GALNT13: variants seen among roughly 807,000 people sequenced by gnomAD.
GALNT13 encodes polypeptide N-acetylgalactosaminyltransferase 13.
GALNT13 carries 28 observed loss-of-function variants against 64.2 expected under a neutral mutation model. The observed-to-expected ratio is 0.44, with a 90% CI of 0.32 to 0.60. The LOEUF (loss-of-function observed/expected upper bound fraction) is 0.60. Ranked by LOEUF, GALNT13 falls within the 20% of genes least tolerant of loss-of-function variation. The pLI, the probability that GALNT13 is intolerant of heterozygous loss-of-function variation, is 0.05. For missense variants in GALNT13, 577 were observed against 669.8 expected (o/e 0.86, Z 1.53); for synonymous variants, 214 against 224.6 (o/e 0.95, Z 0.42).
the GALNT13 span, among the ~76,000 whole-genome samples, chr2:153,458,111 C>T: frequency 6.6e-6 from 1 of 152,144 alleles, no homozygotes; most frequent in African/African-American, 2.4e-5. Flanking sequence ...TATGGCCTCT[C>T]TTCATCTGTG....
chr2:153,417,040 A>G, the GALNT13 span, among the ~76,000 whole-genome samples: 6 of 152,278 alleles, frequency 3.9e-5, no homozygotes, highest in East Asian at 1.2e-3. Flanking sequence ...GGGATCACAA[A>G]TTTTTCAGAG....
the GALNT13 span, among the ~76,000 whole-genome samples, chr2:153,785,985 C>T: frequency 5.3e-5 from 8 of 151,826 alleles, no homozygotes; most frequent in Non-Finnish European, 1.2e-4. Context: ...CCCCAACGAG[C>T]AGGGCCCCAA....
the GALNT13 span, among the ~76,000 whole-genome samples, chr2:153,068,524 A>G: frequency 2.6e-5 from 4 of 152,190 alleles, no homozygotes; most frequent in African/African-American, 9.6e-5. Context: ...GTGTGAACTC[A>G]TACCATTTTG....
chr2:153,108,574 C>T, the GALNT13 span, among the ~76,000 whole-genome samples: 1 of 152,072 alleles, frequency 6.6e-6, no homozygotes, highest in African/African-American at 2.4e-5. Flanking sequence ...TATATGTTTA[C>T]ACATACTACC....
chr2:153,761,177 A>C, the GALNT13 span, among the ~76,000 whole-genome samples: 1 of 152,138 alleles, frequency 6.6e-6, no homozygotes, highest in East Asian at 1.9e-4. Context: ...AAATCAAGTC[A>C]GTAACTCTAT....
chr2:154,368,045 G>A (rs1697468976), intron 9 of GALNT13, among the ~76,000 whole-genome samples: 1 of 152,036 alleles, frequency 6.6e-6, no homozygotes, highest in South Asian at 2.1e-4. Flanking sequence ...GTTTGGGTTT[G>A]GGCCAACAGC....
chr2:154,325,139 A>T (rs904869001), intron 9 of GALNT13, among the ~76,000 whole-genome samples: 1 of 141,370 alleles, frequency 7.1e-6, no homozygotes, highest in Non-Finnish European at 1.5e-5. Flanking sequence ...GTGAGAAAGT[A>T]AAAAAAAAAA....
chr2:153,844,604 A>C, the GALNT13 span, among the ~76,000 whole-genome samples: 1 of 152,196 alleles, frequency 6.6e-6, no homozygotes, highest in East Asian at 1.9e-4. Context: ...TTCTCTAACA[A>C]GTGGTTGCTT....
At chr2:153,212,342 T>A in the GALNT13 span, among the ~76,000 whole-genome samples, 13 of 152,284 alleles carry the variant, frequency 8.5e-5, no homozygotes, top group South Asian at 2.5e-3. Context: ...TTGGTTGACT[T>A]TACCAGTGTT....
chr2:154,146,811 C>T (rs1683630370), intron 4 of GALNT13, among the ~76,000 whole-genome samples: 1 of 152,038 alleles, frequency 6.6e-6, no homozygotes, highest in African/African-American at 2.4e-5. Flanking sequence ...GAGTTTCCCA[C>T]CTTAGAAGCC....
At chr2:153,333,625 A>G in the GALNT13 span, among the ~76,000 whole-genome samples, 154 of 152,362 alleles carry the variant, frequency 1.0e-3, no homozygotes, top group African/African-American at 3.6e-3. Flanking sequence ...GTGCCGTTAC[A>G]TAACTCCTAG....
At chr2:153,398,167 A>G in the GALNT13 span, among the ~76,000 whole-genome samples, 20 of 149,434 alleles carry the variant, frequency 1.3e-4, no homozygotes, top group South Asian at 3.8e-3. Flanking sequence ...GTGAGAATAT[A>G]CGGTGTCTGG....
chr2:154,266,997 A>G (rs1248558974), intron 8 of GALNT13, among the ~76,000 whole-genome samples: 1 of 152,112 alleles, frequency 6.6e-6, no homozygotes, highest in Non-Finnish European at 1.5e-5. Context: ...TTATTAACAT[A>G]AAGACAGACA....
At chr2:154,301,858 A>G (rs555711954) in intron 9 of GALNT13, among the ~76,000 whole-genome samples, 13 of 152,150 alleles carry the variant, frequency 8.5e-5, no homozygotes, top group African/African-American at 3.1e-4. Flanking sequence ...AGAGAGATCT[A>G]TATTTATTAT....
intron 9 of GALNT13, among the ~76,000 whole-genome samples, chr2:154,385,728 C>CT (rs769234582): frequency 3.3e-5 from 5 of 151,980 alleles, no homozygotes; most frequent in Non-Finnish European, 7.4e-5. Context: ...CGGTGCCTAA[C>CT]TAAACCATAC....
the GALNT13 span, among the ~76,000 whole-genome samples, chr2:153,203,987 T>C: frequency 1.3e-5 from 2 of 152,178 alleles, no homozygotes; most frequent in Non-Finnish European, 2.9e-5. Context: ...AGCATGTGAA[T>C]ATATATGAAA....
intron 4 of GALNT13, among the ~76,000 whole-genome samples, chr2:154,201,442 A>ATACC (rs1687163953): frequency 6.6e-6 from 1 of 152,120 alleles, no homozygotes; most frequent in Non-Finnish European, 1.5e-5. Flanking sequence ...ATACTGTCTT[A>ATACC]TACCTATTAG....
At chr2:153,338,481 TATTTTA>T in the GALNT13 span, among the ~76,000 whole-genome samples, 4 of 152,222 alleles carry the variant, frequency 2.6e-5, no homozygotes, top group African/African-American at 9.6e-5. Context: ...AGTCTGCAAT[TATTTTA>T]ATTTTAATTG....
At chr2:153,630,800 TATA>T in the GALNT13 span, among the ~76,000 whole-genome samples, 22 of 13,046 alleles carry the variant, frequency 1.7e-3, no homozygotes, top group African/African-American at 3.5e-3. Flanking sequence ...TATATATATA[TATA>T]TATATTTTTT....
Sources: allele counts gnomAD v4.1 joint callset (sites outside exome capture counted in the v4.1 genomes callset), GRCh38; gene constraint gnomAD v4.1.1; transcripts MANE v1.5; gene names NCBI Gene and HGNC (gene_info 2026-07-23, HGNC 2026-07-21).